Variants in MAGI2 observed in about 807,000 individuals in gnomAD.
MAGI2 encodes membrane-associated guanylate kinase, WW and PDZ domain-containing protein 2.
Under a neutral mutation model 133.3 loss-of-function variants are expected in MAGI2, and 35 were observed. The ratio of observed to expected loss-of-function variants is 0.26; its 90% CI spans 0.20 to 0.35. MAGI2 has a LOEUF of 0.35. Among genes scored for constraint, MAGI2 ranks in the 10% least tolerant of loss-of-function variants. The pLI, the probability that MAGI2 is intolerant of heterozygous loss-of-function variation, is 1.00. For missense variants in MAGI2, 1,636 were observed against 1,863.4 expected, an observed-to-expected ratio of 0.88 and a Z score of 2.25; for synonymous variants, 729 against 710.6, an observed-to-expected ratio of 1.03 and a Z score of -0.41.
chr7:78,736,985 T>G (rs1821918767), intron 2 of MAGI2, among the ~76,000 whole-genome samples: 1 of 152,250 alleles, frequency 6.6e-6, no homozygotes. Context: ...AGACACTTTG[T>G]GCATGAAGTA....
intron 6 of MAGI2, among the ~76,000 whole-genome samples, chr7:78,468,443 A>T (rs1179998129): frequency 6.6e-6 from 1 of 152,102 alleles, no homozygotes; most frequent in Non-Finnish European, 1.5e-5. Flanking sequence ...TCAAATATAA[A>T]TTATACATAT....
intron 6 of MAGI2, among the ~76,000 whole-genome samples, chr7:78,466,133 C>T (rs1790602642): frequency 6.6e-6 from 1 of 152,078 alleles, no homozygotes; most frequent in African/African-American, 2.4e-5. Flanking sequence ...CCTCAATTTG[C>T]ATGAAATTCC....
chr7:78,676,152 A>T (rs2151084379), intron 2 of MAGI2, among the ~76,000 whole-genome samples: 1 of 152,298 alleles, frequency 6.6e-6, no homozygotes. Flanking sequence ...AAAATCCATT[A>T]TAAAGAATGA....
intron 2 of MAGI2, among the ~76,000 whole-genome samples, chr7:78,819,325 A>G (rs1295849255): frequency 6.6e-6 from 1 of 151,980 alleles, no homozygotes; most frequent in Admixed American, 6.6e-5. Flanking sequence ...TTGTATGTAA[A>G]TTTGTCTCCT....
Position 79,376,851 on chromosome 7 carries a change from G to A in MAGI2, c.301+76169C>T, listed in dbSNP as rs545987533. ...GTGTGTGTGTGTGTGGGTGTATGGC[G>A]TGTGTATTCAACACAAGAGAAACAT... On this transcript the variant is annotated intron_variant, in intron 1 of 21. Transcript: ENST00000354212. 1.3e-4 allele frequency among the ~76,000 whole-genome samples: 17 copies of A among 135,152 alleles called. No individual in the cohort carries two copies. In the East Asian group the frequency reaches 1.5e-3, roughly 12 times the overall value. 88.7% of individuals were successfully genotyped at this position (135,152 alleles called of 152,430 possible).
rs370526067 is a variant in MAGI2 at position 78,895,728 on chromosome 7, T to G, written c.418+111362A>C. Among the ~76,000 whole-genome samples, 99 of 152,280 alleles carry G rather than the reference T, an allele frequency of 6.5e-4. 3 individuals carry two copies. In the South Asian group the frequency reaches 0.021, roughly 32 times the overall value. On this transcript the variant is annotated intron_variant, in intron 2 of 21. Coordinates refer to ENST00000354212, the MANE Select transcript of MAGI2 (RefSeq NM_012301.4). Reference sequence around the variant, plus strand: ...TGTAAATATCTGCATATTCAAAAGGTTGAGAGAGCATGGTCAACTCGATTC... The same window carrying G: ...TGTAAATATCTGCATATTCAAAAGGGTGAGAGAGCATGGTCAACTCGATTC...
intron 2 of MAGI2, among the ~76,000 whole-genome samples, chr7:78,638,036 C>G (rs1408578831): frequency 6.6e-6 from 1 of 151,310 alleles, no homozygotes; most frequent in South Asian, 2.1e-4. Context: ...TGCACTCAGC[C>G]TGGGAGACAG....
chr7:79,310,785 A>T (rs951022840), intron 1 of MAGI2, among the ~76,000 whole-genome samples: 1 of 152,162 alleles, frequency 6.6e-6, no homozygotes, highest in African/African-American at 2.4e-5. Context: ...CCTAGTTGAG[A>T]CCAATCACTT....
intron 1 of MAGI2, among the ~76,000 whole-genome samples, chr7:79,448,088 G>A (rs1363316063): frequency 1.3e-5 from 2 of 151,598 alleles, no homozygotes; most frequent in African/African-American, 4.8e-5. Context: ...GCAATTCTTT[G>A]GGAGTAAAGA....
chr7:78,759,428 A>T (rs1824267112), intron 2 of MAGI2, among the ~76,000 whole-genome samples: 1 of 151,982 alleles, frequency 6.6e-6, no homozygotes, highest in African/African-American at 2.4e-5. Context: ...ATCACAAATA[A>T]TTTTTTTTCA....
intron 2 of MAGI2, among the ~76,000 whole-genome samples, chr7:78,919,057 T>C (rs1799023090): frequency 6.6e-6 from 1 of 152,116 alleles, no homozygotes; most frequent in Non-Finnish European, 1.5e-5. Context: ...ATTGACTAAA[T>C]TGGACAGGTT....
chr7:79,056,963 A>G (rs1402436615), intron 1 of MAGI2, among the ~76,000 whole-genome samples: 1 of 152,202 alleles, frequency 6.6e-6, no homozygotes, highest in African/African-American at 2.4e-5. Flanking sequence ...ACTGTGAACA[A>G]TACCTAAAAG....
chr7:79,093,440 C>T (rs757350143), intron 1 of MAGI2, among the ~76,000 whole-genome samples: 13 of 151,244 alleles, frequency 8.6e-5, no homozygotes, highest in African/African-American at 2.4e-4. Flanking sequence ...TTTTTTGTTT[C>T]CCAGTGTATA....
intron 2 of MAGI2, among the ~76,000 whole-genome samples, chr7:78,895,751 T>C (rs1461876349): frequency 1.3e-5 from 2 of 152,212 alleles, no homozygotes; most frequent in Non-Finnish European, 2.9e-5. Context: ...GTCAACTCGA[T>C]TCACTTGGTT....
intron 4 of MAGI2, among the ~76,000 whole-genome samples, chr7:78,510,635 G>C (rs537182895): frequency 6.6e-6 from 1 of 152,098 alleles, no homozygotes; most frequent in Non-Finnish European, 1.5e-5. Context: ...TGCATCAATT[G>C]AGCTTTTCTT....
At chr7:79,290,387 T>C (rs1361313614) in intron 1 of MAGI2, among the ~76,000 whole-genome samples, 1 of 99,130 alleles carries the variant, frequency 1.0e-5, no homozygotes, top group African/African-American at 2.8e-5. Flanking sequence ...ACATAATCTT[T>C]TTAATTTTAA....
intron 6 of MAGI2, among the ~76,000 whole-genome samples, chr7:78,401,091 C>G (rs1796816584): frequency 6.6e-6 from 1 of 151,802 alleles, no homozygotes; most frequent in Non-Finnish European, 1.5e-5. Flanking sequence ...AATTTTCTAA[C>G]TCTCAAGAGC....
rs367778178 is a variant in MAGI2, at chr7:78,256,527, T to C, written c.1463A>G (p.Asp488Gly). Reference protein sequence around the residue: ...EVCVLGHTHADVVKLFQSVPI... With the variant: ...EVCVLGHTHAGVVKLFQSVPI... ...AACAGACTGGAAAAGTTTGACAACA[T>C]CTGCATGAGTGTGTCCAAGGACACA... is the stretch of plus-strand genomic sequence containing the variant. Residue 488 changes from aspartate (D) to glycine (G), a missense_variant, in exon 10 of 22, where the codon GAT (aspartate) becomes GGT (glycine). Coordinates refer to ENST00000354212, the MANE Select transcript of MAGI2 (RefSeq NM_012301.4). 9 of 1,613,824 alleles carry C rather than the reference T, an allele frequency of 5.6e-6. No homozygotes were observed. The highest frequency in any genetic ancestry group is 1.1e-5 in the South Asian group (1 of 91,066).
chr7:78,859,694 T>TA (rs1793992748), intron 2 of MAGI2, among the ~76,000 whole-genome samples: 1 of 151,926 alleles, frequency 6.6e-6, no homozygotes, highest in Non-Finnish European at 1.5e-5. Context: ...ATTTCAACTT[T>TA]GTTAATCTGA....
Sources: gnomAD v4.1 joint callset for allele counts (sites outside exome capture counted in the v4.1 genomes callset) on GRCh38, gnomAD v4.1.1 for gene constraint, MANE v1.5 for transcripts, NCBI Gene and HGNC (gene_info 2026-07-23, HGNC 2026-07-21) for gene names.